The following VWA8 variants were observed in gnomAD, a reference collection of about 807,000 sequenced individuals.
VWA8 encodes the protein von Willebrand factor A domain containing 8, also known as von Willebrand factor A domain-containing protein 8.
Under a neutral mutation model 241.5 loss-of-function variants are expected in VWA8, and 221 were observed. That is an observed-to-expected ratio of 0.91 (90% CI 0.82 to 1.02). The LOEUF (loss-of-function observed/expected upper bound fraction) is 1.02, where lower values mean the gene tolerates loss of function less well. VWA8 is among the 50% of genes least tolerant of loss of function. The probability of loss-of-function intolerance (pLI) is 0.00; values close to 1 mark genes in which losing one functional copy is unlikely to be tolerated. For synonymous variants in VWA8, 852 were observed against 827.1 expected (o/e 1.03, Z -0.52); for missense variants, 2,322 against 2,328.7 (o/e 1.00, Z 0.06).
At position 41,614,960 on chromosome 13, in the gene VWA8, T is replaced by C. The variant is rs1479943058; in HGVS notation, c.4720+16A>G. 1.9e-6 allele frequency: 3 copies of C among 1,612,318 alleles called. No individual in the cohort carries two copies. The highest frequency in any genetic ancestry group is 3.3e-5 in the Admixed American group (2 of 60,004). On this transcript the variant is annotated intron_variant, in intron 38 of 44. Transcript: ENST00000379310. ...CCTGGGGAAGGCTGACTCAGGAGAATGCCTGTGCTACCAACCTGTTCCGCC... is the reference window on the plus strand; with the variant it reads ...CCTGGGGAAGGCTGACTCAGGAGAACGCCTGTGCTACCAACCTGTTCCGCC...
intron 37 of VWA8, among the ~76,000 whole-genome samples, chr13:41,633,469 T>C (rs73464993): frequency 0.033 from 5,049 of 152,186 alleles, 283 homozygotes; most frequent in African/African-American, 0.11. Context: ...ACCAATAACA[T>C]AGGGAAGCCT....
Position 41,912,096 on chromosome 13 carries a change from T to A in VWA8, c.314A>T (p.Asp105Val). The change falls in exon 3 of 45, where the codon GAT (aspartate) becomes GTT (valine). Residue 105 changes from aspartate to valine, a missense_variant. Asp to Val is a radical substitution (Grantham distance 152). Coordinates refer to ENST00000379310, the MANE Select transcript of VWA8 (RefSeq NM_015058.2). ...WIMQKDLLGQ[D>V]VFLIGPPGPL... ...CCCAGGAGGTCCTATTAGAAAAACA[T>A]CTTGCCCCAAAAGATCCTTCTGCAT... The A allele has an allele frequency of 6.2e-7, 1 of 1,609,446 alleles. No individual in the cohort carries two copies. Among genetic ancestry groups the A allele is most frequent in the Non-Finnish European group, 8.5e-7 (1 of 1,177,100 alleles).
At chr13:41,809,577 T>A (rs117736575) in intron 17 of VWA8, among the ~76,000 whole-genome samples, 3 of 152,160 alleles carry the variant, frequency 2.0e-5, no homozygotes, top group Non-Finnish European at 4.4e-5. Flanking sequence ...GTAGACCCTA[T>A]CTCTTGCCAT....
At chr13:41,632,375 A>G (rs969555626) in intron 37 of VWA8, among the ~76,000 whole-genome samples, 4 of 152,200 alleles carry the variant, frequency 2.6e-5, no homozygotes, top group Admixed American at 6.5e-5. Context: ...GAGGGTAGGT[A>G]GACAAGCCAT....
chr13:41,922,412 ACG>A (rs1876590106), intron 2 of VWA8, among the ~76,000 whole-genome samples: 2 of 152,260 alleles, frequency 1.3e-5, no homozygotes, highest in African/African-American at 2.4e-5. Flanking sequence ...AGCAATGGCA[ACG>A]GAAGCCAAAA....
chr13:41,912,679 T>C (rs1263075914), intron 2 of VWA8, among the ~76,000 whole-genome samples: 1 of 152,172 alleles, frequency 6.6e-6, no homozygotes, highest in Non-Finnish European at 1.5e-5. Flanking sequence ...AAGTTGGTAA[T>C]GGGTTGTAAG....
intron 2 of VWA8, among the ~76,000 whole-genome samples, chr13:41,927,725 A>G (rs908670429): frequency 4.6e-5 from 7 of 152,228 alleles, no homozygotes; most frequent in African/African-American, 1.7e-4. Flanking sequence ...CAGCCAGAAA[A>G]CAAATAACAC....
At chr13:41,636,227 A>C (rs1198746894) in intron 37 of VWA8, among the ~76,000 whole-genome samples, 2 of 152,196 alleles carry the variant, frequency 1.3e-5, no homozygotes, top group African/African-American at 4.8e-5. Context: ...ACCAAAACAG[A>C]GATATAGACC....
chr13:41,959,738 A>G (rs1472507832), intron 1 of VWA8, among the ~76,000 whole-genome samples: 1 of 150,080 alleles, frequency 6.7e-6, no homozygotes, highest in Non-Finnish European at 1.5e-5. Flanking sequence ...AGTAGCTGGG[A>G]TTACTGGCGC....
chr13:41,627,541 G>A (rs567521557), intron 37 of VWA8, among the ~76,000 whole-genome samples: 12 of 152,158 alleles, frequency 7.9e-5, no homozygotes, highest in Non-Finnish European at 1.8e-4. Flanking sequence ...GAATCTTCTG[G>A]AAACATCAGA....
chr13:41,794,832 C>G (rs1025484493), intron 17 of VWA8, among the ~76,000 whole-genome samples: 1 of 151,916 alleles, frequency 6.6e-6, no homozygotes, highest in Non-Finnish European at 1.5e-5. Context: ...ATGTAAAACC[C>G]AAAACCATAG....
At chr13:41,679,844 C>G (rs765254222) in intron 35 of VWA8, among the ~76,000 whole-genome samples, 1 of 151,772 alleles carries the variant, frequency 6.6e-6, no homozygotes, top group Non-Finnish European at 1.5e-5. Flanking sequence ...TGCTTTACCC[C>G]CTACCCGCCC....
chr13:41,704,997 T>C (rs901247245), intron 26 of VWA8, among the ~76,000 whole-genome samples: 1 of 152,230 alleles, frequency 6.6e-6, no homozygotes, highest in Non-Finnish European at 1.5e-5. Flanking sequence ...AATATTTCCA[T>C]ATGCTTAATA....
At chr13:41,751,495 G>T (rs2045655909) in intron 21 of VWA8, among the ~76,000 whole-genome samples, 1 of 152,094 alleles carries the variant, frequency 6.6e-6, no homozygotes, top group African/African-American at 2.4e-5. Flanking sequence ...GGAGACTTCA[G>T]AAAAGCTTTT....
intron 2 of VWA8, chr13:41,927,242 C>G (rs1876889969): frequency 2.1e-6 from 1 of 482,182 alleles, no homozygotes; most frequent in African/African-American, 2.0e-5. Context: ...TCAAAAGATT[C>G]CAACAACATC....
intron 26 of VWA8, 144 bp from the exon 27 acceptor site, chr13:41,703,555 AC>A: frequency 1.5e-6 from 1 of 647,524 alleles, no homozygotes; most frequent in South Asian, 2.1e-5. Flanking sequence ...TTATTAAACG[AC>A]AGTGTATAAA....
intron 26 of VWA8, among the ~76,000 whole-genome samples, chr13:41,709,183 A>C (rs2045301314): frequency 6.6e-6 from 1 of 152,248 alleles, no homozygotes; most frequent in Non-Finnish European, 1.5e-5. Flanking sequence ...TTGCATAATA[A>C]GGTTGGTAGT....
intron 37 of VWA8, among the ~76,000 whole-genome samples, chr13:41,623,894 A>G (rs1273914211): frequency 6.6e-6 from 1 of 152,164 alleles, no homozygotes. Context: ...TTTCTTTCAT[A>G]GGCATAAAAT....
intron 4 of VWA8, 34 bp downstream of exon 4, chr13:41,907,552 A>G: frequency 6.3e-7 from 1 of 1,575,398 alleles, no homozygotes; most frequent in Non-Finnish European, 8.7e-7. Flanking sequence ...GACCTGGAGT[A>G]CACAGTCATG....
Sources: gnomAD v4.1 joint callset for allele counts (sites outside exome capture counted in the v4.1 genomes callset) on GRCh38, gnomAD v4.1.1 for gene constraint, MANE v1.5 for transcripts, NCBI Gene and HGNC (gene_info 2026-07-23, HGNC 2026-07-21) for gene names.